HCN4: variants seen among roughly 807,000 people sequenced by gnomAD.
The protein encoded by HCN4 is hyperpolarization activated cyclic nucleotide gated potassium channel 4.
Under a neutral mutation model 76.9 loss-of-function variants are expected in HCN4, and 29 were observed. The ratio of observed to expected loss-of-function variants is 0.38; its 90% CI spans 0.28 to 0.51. HCN4 has a LOEUF of 0.51. HCN4 is among the 20% of genes least tolerant of loss of function. HCN4 has a pLI of 0.90. For missense variants in HCN4, 1,416 were observed against 1,715.2 expected (o/e 0.83, Z 3.08); for synonymous variants, 772 against 762.5 (o/e 1.01, Z -0.21).
chr15:73,355,411 A>G (rs1353003903), intron 1 of HCN4, among the ~76,000 whole-genome samples: 1 of 152,196 alleles, frequency 6.6e-6, no homozygotes, highest in Non-Finnish European at 1.5e-5. Context: ...TAAAGAGGTC[A>G]GCCAAGGGCA....
rs1232382737 is a variant in HCN4, at chr15:73,367,836, G to C, written c.435C>G (p.Pro145=). Reference sequence around the variant, plus strand: ...GCTCGGGCTCGGCCGCCAGGCCTGGGGGCGTCCTGTCCTCGCCGGGGGACG... The same window carrying C: ...GCTCGGGCTCGGCCGCCAGGCCTGGCGGCGTCCTGTCCTCGCCGGGGGACG... The part of the protein sequence containing the change: ...GDASPGEDRT[P]PGLAAEPERP... Residue 145 remains proline, a synonymous_variant, in exon 1 of 8, where the codon CCC becomes CCG. Coordinates refer to ENST00000261917, the MANE Select transcript of HCN4 (RefSeq NM_005477.3). The surrounding 1 kb of genome is among the most constrained non-coding windows in gnomAD (Gnocchi z 7.5). The C allele has an allele frequency of 5.6e-6, 7 of 1,259,268 alleles. No homozygotes were observed. Among genetic ancestry groups the C allele is most frequent in the Admixed American group, 4.1e-5 (1 of 24,632 alleles). 78.0% of individuals were successfully genotyped at this position (1,259,268 alleles called of 1,614,324 possible). A position where few individuals can be genotyped will look rare whatever the true frequency, so the allele number is the denominator to read the frequency against.
intron 1 of HCN4, among the ~76,000 whole-genome samples, chr15:73,351,247 C>T (rs952848162): frequency 3.3e-5 from 5 of 152,112 alleles, no homozygotes; most frequent in Admixed American, 6.5e-5. Context: ...TGTTTTTGCT[C>T]CTTGGGGCCC....
chr15:73,363,750 TCA>T (rs2151227129), intron 1 of HCN4, among the ~76,000 whole-genome samples: 1 of 152,178 alleles, frequency 6.6e-6, no homozygotes, highest in Admixed American at 6.5e-5. Context: ...GAGGTGTGGT[TCA>T]CAACAGCATC....
At position 73,328,171 on chromosome 15, in the gene HCN4, G is replaced by A. The variant is rs1348881591; in HGVS notation, c.1590+1402C>T. 6.6e-6 allele frequency among the ~76,000 whole-genome samples: 1 copy of A among 152,132 alleles called. No homozygotes were observed. Among genetic ancestry groups the A allele is most frequent in the Non-Finnish European group, 1.5e-5 (1 of 68,034 alleles). Reference sequence around the variant, plus strand: ...CATGGGGTCACATGACAGGTGAGGGGCTGGCCAGGTCACAGACGGCTTCTC... The same window carrying A: ...CATGGGGTCACATGACAGGTGAGGGACTGGCCAGGTCACAGACGGCTTCTC... On this transcript the variant is annotated intron_variant, in intron 4 of 7. Transcript: ENST00000261917. This position sits in a 1 kb window ranked among gnomAD's most constrained non-coding sequence, Gnocchi z 4.0.
intron 1 of HCN4, among the ~76,000 whole-genome samples, chr15:73,349,648 T>G (rs768474819): frequency 3.3e-5 from 5 of 152,132 alleles, no homozygotes; most frequent in African/African-American, 7.2e-5. Context: ...CAGACCCCAC[T>G]GCCTCCCCGC....
Position 73,325,522 on chromosome 15 carries a change from C to T in HCN4, c.1591-78G>A. On this transcript the variant is annotated intron_variant, in intron 4 of 7. Coordinates refer to ENST00000261917, the MANE Select transcript of HCN4 (RefSeq NM_005477.3). This position sits in a 1 kb window ranked among gnomAD's most constrained non-coding sequence, Gnocchi z 7.4. ...GCCAGCCCCACCACCTCGGCAGGCA[C>T]CACATCCGGGCACCCACCCCGGGGG... is the stretch of plus-strand genomic sequence containing the variant. 2.0e-6 allele frequency: 3 copies of T among 1,465,910 alleles called. No homozygotes were observed. Among genetic ancestry groups the T allele is most frequent in the Non-Finnish European group, 2.9e-6 (3 of 1,045,390 alleles). The allele number at this position is 1,465,910 out of a possible 1,614,324, so 90.8% of individuals were successfully genotyped here. A position where few individuals can be genotyped will look rare whatever the true frequency, so the allele number is the denominator to read the frequency against.
chr15:73,325,316 T>G lies in HCN4; in HGVS notation c.1719A>C (p.Leu573=), dbSNP rs917371741. 11 of 1,613,916 alleles carry G rather than the reference T, an allele frequency of 6.8e-6. No individual in the cohort carries two copies. In the African/African-American group the frequency reaches 1.3e-4, roughly 20 times the overall value. ...AGCTCACCTCCCGCAGGGGCTCGCTTAGCTCGCCCAGGATGCTCTCCTCGT... is the reference window on the plus strand; with the variant it reads ...AGCTCACCTCCCGCAGGGGCTCGCTGAGCTCGCCCAGGATGCTCTCCTCGT... ...MFDEESILGE[L]SEPLREEIIN... is the part of the protein sequence containing the mutation. The change falls in exon 5 of 8, where the codon CTA becomes CTC. Residue 573 remains leucine (L), a synonymous_variant. Transcript: ENST00000261917. The surrounding 1 kb of genome is among the most constrained non-coding windows in gnomAD (Gnocchi z 7.4).
At chr15:73,339,874 A>G (rs1381502037) in intron 2 of HCN4, among the ~76,000 whole-genome samples, 2 of 152,134 alleles carry the variant, frequency 1.3e-5, no homozygotes, top group Non-Finnish European at 2.9e-5. Flanking sequence ...GTCCAATCTC[A>G]GGGGTCCAGT....
At chr15:73,338,680 C>A (rs557841690) in intron 2 of HCN4, among the ~76,000 whole-genome samples, 1 of 152,314 alleles carries the variant, frequency 6.6e-6, no homozygotes, top group East Asian at 1.9e-4. Flanking sequence ...CTGTTTCCAC[C>A]AAGGCCTCTT....
In HCN4 at chr15:73,332,248, G is replaced by A. The variant is rs373794941; in HGVS notation, c.1254C>T (p.Ile418=). 146 of 1,614,088 alleles carry A rather than the reference G, an allele frequency of 9.0e-5. No homozygotes were observed. Among genetic ancestry groups the A allele is most frequent in the Non-Finnish European group, 1.2e-4 (140 of 1,180,028 alleles). The part of the protein sequence containing the change: ...TYDLASAVVR[I]VNLIGMMLLL... ...GGAGCATCATGCCGATGAGGTTCAC[G>A]ATGCGCACCACGGCGCTGGCCAGGT... Residue 418 remains isoleucine, a synonymous_variant, in exon 3 of 8, where the codon ATC becomes ATT. Coordinates refer to ENST00000261917, the MANE Select transcript of HCN4 (RefSeq NM_005477.3).
At chr15:73,333,821 G>T (rs1044464680) in intron 2 of HCN4, among the ~76,000 whole-genome samples, 1 of 152,192 alleles carries the variant, frequency 6.6e-6, no homozygotes, top group Non-Finnish European at 1.5e-5. Flanking sequence ...CTTTGCTGAA[G>T]ATATTGTTCA....
chr15:73,331,348 C>G (rs572112), intron 3 of HCN4, among the ~76,000 whole-genome samples: 125,917 of 152,134 alleles, frequency 0.83, 54,007 homozygotes, highest in Non-Finnish European at 0.93. Flanking sequence ...GATATGTTGG[C>G]GAGTGGGGGC....
intron 1 of HCN4, among the ~76,000 whole-genome samples, chr15:73,363,310 G>A (rs2043114467): frequency 6.6e-6 from 1 of 152,210 alleles, no homozygotes; most frequent in Non-Finnish European, 1.5e-5. Context: ...GGTGGGAGCG[G>A]GTAGGACTGA....
intron 1 of HCN4, among the ~76,000 whole-genome samples, chr15:73,345,783 A>G (rs544480452): frequency 1.1e-4 from 16 of 152,302 alleles, no homozygotes; most frequent in African/African-American, 2.6e-4. Flanking sequence ...TTAACTGTGC[A>G]TAGAAAGGCC....
At chr15:73,347,392 G>A (rs2043034344) in intron 1 of HCN4, among the ~76,000 whole-genome samples, 1 of 152,146 alleles carries the variant, frequency 6.6e-6, no homozygotes, top group African/African-American at 2.4e-5. Flanking sequence ...ACATCACAGT[G>A]GAAAGGCAGC....
At chr15:73,355,804 A>G (rs369330827) in intron 1 of HCN4, among the ~76,000 whole-genome samples, 42 of 152,302 alleles carry the variant, frequency 2.8e-4, no homozygotes, top group African/African-American at 1.0e-3. Flanking sequence ...AGCAGGGGAC[A>G]TCTGCTTCAC....
chr15:73,337,405 A>G (rs4777599), intron 2 of HCN4, among the ~76,000 whole-genome samples: 70,130 of 152,096 alleles, frequency 0.46, 16,275 homozygotes, highest in Admixed American at 0.5. Flanking sequence ...TGGGTACCAT[A>G]TGGGAGCTCA....
intron 4 of HCN4, 112 bp downstream of exon 4, chr15:73,329,461 C>T (rs1298813484): frequency 1.4e-5 from 13 of 957,512 alleles, no homozygotes; most frequent in South Asian, 3.0e-5. Context: ...CTGGGAGTTC[C>T]GATCCTGTGG....
chr15:73,329,259 G>A (rs1316196657), intron 4 of HCN4, among the ~76,000 whole-genome samples: 7 of 152,228 alleles, frequency 4.6e-5, no homozygotes, highest in Non-Finnish European at 8.8e-5. Flanking sequence ...CAGGAAGGGC[G>A]TGGTGACTGT....
Sources: gnomAD v4.1 joint callset for allele counts (sites outside exome capture counted in the v4.1 genomes callset) on GRCh38, gnomAD v4.1.1 for gene constraint, Gnocchi (gnomAD v3.1) non-coding constraint, MANE v1.5 for transcripts, NCBI Gene and HGNC (gene_info 2026-07-23, HGNC 2026-07-21) for gene names.